Variants in LRP1B observed in about 807,000 individuals in gnomAD.
The protein encoded by LRP1B is low-density lipoprotein receptor-related protein 1B.
In LRP1B, 217 loss-of-function variants were observed where a neutral mutation model predicts 556.6. The observed-to-expected ratio is 0.39, with a 90% confidence interval of 0.35 to 0.44. The LOEUF (loss-of-function observed/expected upper bound fraction) is 0.44. Ranked by LOEUF, LRP1B falls within the 20% of genes least tolerant of loss-of-function variation. The probability of loss-of-function intolerance (pLI) is 1.00; values close to 1 mark genes in which losing one functional copy is unlikely to be tolerated. For synonymous variants in LRP1B, 2,047 were observed against 1,865.8 expected, an observed-to-expected ratio of 1.10 and a Z score of -2.50; for missense variants, 5,053 against 5,620.8, an observed-to-expected ratio of 0.90 and a Z score of 3.23.
chr2:140,701,668 G>A (rs1686646428), intron 40 of LRP1B, 53 bp downstream of exon 40: 1 of 1,519,176 alleles, frequency 6.6e-7, no homozygotes, highest in East Asian at 2.3e-5. Context: ...TTTAAAAATT[G>A]GAGAGAAATC....
intron 53 of LRP1B, among the ~76,000 whole-genome samples, chr2:140,506,534 G>A (rs527564272): frequency 8.7e-4 from 132 of 152,168 alleles, no homozygotes; most frequent in African/African-American, 2.9e-3. Context: ...ATGAGCCACC[G>A]CACCCAGCCC....
At chr2:141,385,045 C>T (rs1170061879) in intron 3 of LRP1B, among the ~76,000 whole-genome samples, 2 of 152,096 alleles carry the variant, frequency 1.3e-5, no homozygotes, top group East Asian at 1.9e-4. Flanking sequence ...CTGCTGGACT[C>T]GGGGTACCCG....
intron 2 of LRP1B, among the ~76,000 whole-genome samples, chr2:141,622,097 G>C (rs537431649): frequency 1.3e-5 from 2 of 152,148 alleles, no homozygotes; most frequent in East Asian, 3.9e-4. Flanking sequence ...CTCCATGTTG[G>C]TCAGGCAGGT....
At chr2:140,276,351 T>G (rs1169581902) in intron 84 of LRP1B, among the ~76,000 whole-genome samples, 2 of 151,960 alleles carry the variant, frequency 1.3e-5, no homozygotes, top group Admixed American at 1.3e-4. Context: ...TTCATTGAGA[T>G]TTAGGGTTGA....
chr2:141,070,468 T>G (rs1305773631), intron 7 of LRP1B, among the ~76,000 whole-genome samples: 1 of 151,670 alleles, frequency 6.6e-6, no homozygotes, highest in East Asian at 1.9e-4. Flanking sequence ...AGCAAACACA[T>G]TCAAAAGCTA....
intron 2 of LRP1B, among the ~76,000 whole-genome samples, chr2:141,625,667 T>C (rs571861940): frequency 3.3e-5 from 5 of 152,298 alleles, no homozygotes; most frequent in African/African-American, 1.2e-4. Flanking sequence ...GAAATAAATA[T>C]ATTATGCATT....
intron 1 of LRP1B, among the ~76,000 whole-genome samples, chr2:141,900,745 TTATAA>T (rs1356550841): frequency 6.6e-6 from 1 of 152,086 alleles, no homozygotes; most frequent in Non-Finnish European, 1.5e-5. Flanking sequence ...CATATAATTC[TTATAA>T]TAAATATAAC....
At chr2:141,193,735 A>G (rs1681621974) in intron 6 of LRP1B, among the ~76,000 whole-genome samples, 2 of 151,172 alleles carry the variant, frequency 1.3e-5, no homozygotes, top group African/African-American at 4.9e-5. Flanking sequence ...TAAAAGTTAG[A>G]AAAAAAAACC....
intron 16 of LRP1B, 79 bp downstream of exon 16, chr2:140,993,916 G>A: frequency 1.4e-6 from 2 of 1,425,562 alleles, no homozygotes; most frequent in Non-Finnish European, 9.7e-7. Flanking sequence ...TTTTCAGATT[G>A]TCACAAACTG....
At chr2:141,948,052 C>T (rs555818886) in intron 1 of LRP1B, among the ~76,000 whole-genome samples, 29 of 152,192 alleles carry the variant, frequency 1.9e-4, no homozygotes, top group South Asian at 8.3e-4. Context: ...AATCCCAGCA[C>T]TTTGTGAGGC....
intron 41 of LRP1B, among the ~76,000 whole-genome samples, chr2:140,614,232 T>C (rs1472112090): frequency 2.0e-5 from 3 of 152,116 alleles, no homozygotes; most frequent in Non-Finnish European, 2.9e-5. Flanking sequence ...CCTATTGCAA[T>C]GGCATATTAT....
intron 31 of LRP1B, among the ~76,000 whole-genome samples, chr2:140,836,384 T>G (rs541515270): frequency 5.9e-5 from 9 of 152,186 alleles, no homozygotes; most frequent in Non-Finnish European, 1.3e-4. Flanking sequence ...CAAATAACAT[T>G]TTTTTCCCAA....
At chr2:140,964,616 CT>C (rs1696143716) in intron 18 of LRP1B, among the ~76,000 whole-genome samples, 1 of 149,374 alleles carries the variant, frequency 6.7e-6, no homozygotes, top group African/African-American at 2.5e-5. Flanking sequence ...CCCTCAGCTC[CT>C]ATCTCTGTAT....
intron 41 of LRP1B, among the ~76,000 whole-genome samples, chr2:140,662,341 A>G (rs1211963521): frequency 6.6e-6 from 1 of 152,114 alleles, no homozygotes; most frequent in East Asian, 1.9e-4. Flanking sequence ...TACATGCTAT[A>G]ATTACAAATA....
At chr2:142,115,850 AT>A (rs1350765891) in intron 1 of LRP1B, among the ~76,000 whole-genome samples, 271 of 10,686 alleles carry the variant, frequency 0.025, 115 homozygotes, top group African/African-American at 0.088. Flanking sequence ...TAATATATAT[AT>A]ATACATATAT....
Position 141,596,467 on chromosome 2 carries a change from T to A in LRP1B, c.206-115934A>T, listed in dbSNP as rs952705323. Among the ~76,000 whole-genome samples, 21 of 152,158 alleles carry A rather than the reference T, an allele frequency of 1.4e-4. 1 individual carries two copies. The South Asian group carries it at 4.1e-3, about 30-fold the overall frequency. On this transcript the variant is annotated intron_variant, in intron 2 of 90. Transcript: ENST00000389484. ...AAATTTGGACAGATGAGTAGATGGATGTAGGTATGCGTTAATAATAGCCTT... is the reference window on the plus strand; with the variant it reads ...AAATTTGGACAGATGAGTAGATGGAAGTAGGTATGCGTTAATAATAGCCTT...
chr2:141,005,009 A>G (rs1317639362), intron 15 of LRP1B, among the ~76,000 whole-genome samples: 5 of 152,006 alleles, frequency 3.3e-5, no homozygotes, highest in African/African-American at 9.7e-5. Flanking sequence ...TTGTGCGTCA[A>G]CTTACCATCT....
intron 2 of LRP1B, among the ~76,000 whole-genome samples, chr2:141,540,086 C>A (rs547812204): frequency 3.4e-4 from 52 of 152,022 alleles, no homozygotes; most frequent in Non-Finnish European, 5.9e-5. Context: ...TTGTTCTGTG[C>A]TTAATAGACC....
At chr2:140,743,117 A>C (rs1226646061) in intron 35 of LRP1B, among the ~76,000 whole-genome samples, 2 of 152,194 alleles carry the variant, frequency 1.3e-5, no homozygotes, top group Non-Finnish European at 2.9e-5. Context: ...TTCCATATGC[A>C]TTTGATACTT....
Sources: allele counts gnomAD v4.1 joint callset (sites outside exome capture counted in the v4.1 genomes callset), GRCh38; gene constraint gnomAD v4.1.1; transcripts MANE v1.5; gene names NCBI Gene and HGNC (gene_info 2026-07-23, HGNC 2026-07-21).